Variants in SEMA3E observed in about 807,000 individuals in gnomAD.
The protein encoded by SEMA3E is semaphorin 3E, also known as semaphorin-3E.
Under a neutral mutation model 93.6 loss-of-function variants are expected in SEMA3E, and 49 were observed. The ratio of observed to expected loss-of-function variants is 0.52; its 90% CI spans 0.42 to 0.66. SEMA3E has a LOEUF of 0.66. Ranked by LOEUF, SEMA3E falls within the 30% of genes least tolerant of loss-of-function variation. The pLI is 0.00. For missense variants in SEMA3E, 906 were observed against 964.8 expected, an observed-to-expected ratio of 0.94 and a Z score of 0.81; for synonymous variants, 363 against 330.7, an observed-to-expected ratio of 1.10 and a Z score of -1.06.
At chr7:83,392,347 A>G (rs1358572301) in intron 14 of SEMA3E, among the ~76,000 whole-genome samples, 1 of 152,048 alleles carries the variant, frequency 6.6e-6, no homozygotes, top group African/African-American at 2.4e-5. Context: ...AACTCGTTTC[A>G]TGTCTTGCAG....
intron 1 of SEMA3E, among the ~76,000 whole-genome samples, chr7:83,540,462 T>A (rs545828973): frequency 6.6e-6 from 1 of 152,170 alleles, no homozygotes; most frequent in East Asian, 1.9e-4. Context: ...TTTGATAATA[T>A]TTTTCCCTTA....
intron 1 of SEMA3E, among the ~76,000 whole-genome samples, chr7:83,643,746 C>T (rs1178843196): frequency 6.6e-6 from 1 of 151,938 alleles, no homozygotes; most frequent in East Asian, 1.9e-4. Context: ...ACAACTTATC[C>T]AGTGATATTT....
intron 2 of SEMA3E, among the ~76,000 whole-genome samples, chr7:83,477,773 G>A (rs566129434): frequency 3.4e-4 from 52 of 151,824 alleles, no homozygotes; most frequent in Middle Eastern, 3.4e-3. Context: ...TCTTCTACTC[G>A]ATAAAAAATT....
intron 1 of SEMA3E, among the ~76,000 whole-genome samples, chr7:83,571,596 G>A (rs564992862): frequency 8.1e-4 from 123 of 152,104 alleles, no homozygotes; most frequent in Non-Finnish European, 1.3e-3. Context: ...AGCAATCTAT[G>A]ACAAACCCAC....
chr7:83,508,798 G>A (rs934956099), intron 1 of SEMA3E, among the ~76,000 whole-genome samples: 4 of 152,044 alleles, frequency 2.6e-5, no homozygotes, highest in African/African-American at 9.7e-5. Flanking sequence ...ATGCACAGTG[G>A]CAAATTGCCA....
intron 4 of SEMA3E, among the ~76,000 whole-genome samples, chr7:83,454,641 T>C (rs1478409592): frequency 6.6e-6 from 1 of 152,152 alleles, no homozygotes; most frequent in East Asian, 1.9e-4. Flanking sequence ...CAAATATTTA[T>C]AAAATACTTT....
chr7:83,572,451 C>T (rs1352090405), intron 1 of SEMA3E, among the ~76,000 whole-genome samples: 3 of 151,880 alleles, frequency 2.0e-5, no homozygotes, highest in African/African-American at 4.8e-5. Flanking sequence ...CCATCCTGGC[C>T]AACATGGTGA....
chr7:83,622,801 A>G (rs1056384011), intron 1 of SEMA3E, among the ~76,000 whole-genome samples: 2 of 152,168 alleles, frequency 1.3e-5, no homozygotes, highest in African/African-American at 4.8e-5. Context: ...GGATACATAG[A>G]GTAAAACAAC....
rs6963952 is a variant in SEMA3E at position 83,636,167 on chromosome 7, C to A, written c.115+12261G>T. Among the ~76,000 whole-genome samples, 480 of 152,154 alleles carry A rather than the reference C, an allele frequency of 3.2e-3. 8 individuals carry two copies. Among genetic ancestry groups the A allele is most frequent in the African/African-American group, 0.011 (456 of 41,520 alleles). On this transcript the variant is annotated intron_variant, in intron 1 of 16. Coordinates refer to ENST00000643230, the MANE Select transcript of SEMA3E (RefSeq NM_012431.3). ...GAATTCATACTGTCCTCTGCCACAGCCTCAAACTATATCTTTTAATAATTT... is the reference window on the plus strand; with the variant it reads ...GAATTCATACTGTCCTCTGCCACAGACTCAAACTATATCTTTTAATAATTT...
At chr7:83,530,745 G>T (rs1382094653) in intron 1 of SEMA3E, among the ~76,000 whole-genome samples, 1 of 152,054 alleles carries the variant, frequency 6.6e-6, no homozygotes, top group Non-Finnish European at 1.5e-5. Flanking sequence ...AGGTGTGGTG[G>T]TGCATGCCTG....
chr7:83,565,598 G>A (rs1311547895), intron 1 of SEMA3E, among the ~76,000 whole-genome samples: 3 of 152,192 alleles, frequency 2.0e-5, no homozygotes, highest in Admixed American at 6.5e-5. Context: ...AAGATTTAAT[G>A]TGCTTTCTGA....
At chr7:83,623,717 T>C (rs576428495) in intron 1 of SEMA3E, among the ~76,000 whole-genome samples, 1 of 152,274 alleles carries the variant, frequency 6.6e-6, no homozygotes, top group Non-Finnish European at 1.5e-5. Context: ...TGAGATAGAT[T>C]AAATTTAAAA....
chr7:83,468,777 C>T (rs546732611), intron 3 of SEMA3E, among the ~76,000 whole-genome samples: 17 of 152,094 alleles, frequency 1.1e-4, no homozygotes, highest in Non-Finnish European at 2.5e-4. Flanking sequence ...AATAATGCTT[C>T]TTAAAGTAGA....
chr7:83,482,881 C>G (rs2115948954), intron 2 of SEMA3E, among the ~76,000 whole-genome samples: 1 of 148,274 alleles, frequency 6.7e-6, no homozygotes, highest in East Asian at 2.0e-4. Context: ...GAAGGTTATT[C>G]CAGGGAAGGG....
At chr7:83,425,308 T>C (rs572539364) in intron 4 of SEMA3E, among the ~76,000 whole-genome samples, 1 of 152,188 alleles carries the variant, frequency 6.6e-6, no homozygotes, top group Non-Finnish European at 1.5e-5. Flanking sequence ...ATTGTTCTAT[T>C]TTCTTCATAA....
At chr7:83,591,162 G>C (rs1297463594) in intron 1 of SEMA3E, among the ~76,000 whole-genome samples, 1 of 146,602 alleles carries the variant, frequency 6.8e-6, no homozygotes, top group African/African-American at 2.5e-5. Context: ...TAAATGTTTA[G>C]TTTTACTGCC....
At chr7:83,543,500 G>T (rs1393941568) in intron 1 of SEMA3E, among the ~76,000 whole-genome samples, 2 of 152,068 alleles carry the variant, frequency 1.3e-5, no homozygotes, top group East Asian at 1.9e-4. Flanking sequence ...ATATGGTAAA[G>T]TTCCATCTAA....
chr7:83,500,653 C>T (rs948904084), intron 1 of SEMA3E, among the ~76,000 whole-genome samples: 1 of 130,616 alleles, frequency 7.7e-6, no homozygotes, highest in Non-Finnish European at 1.5e-5. Context: ...AGTGCAATGG[C>T]ATGATCTCGG....
At chr7:83,586,281 G>A (rs890283782) in intron 1 of SEMA3E, among the ~76,000 whole-genome samples, 3 of 152,026 alleles carry the variant, frequency 2.0e-5, no homozygotes, top group South Asian at 2.1e-4. Context: ...AAAGAGAAAC[G>A]CATTTACAAG....
Sources: allele counts gnomAD v4.1 joint callset (sites outside exome capture counted in the v4.1 genomes callset), GRCh38; gene constraint gnomAD v4.1.1; transcripts MANE v1.5; gene names NCBI Gene and HGNC (gene_info 2026-07-23, HGNC 2026-07-21).